GRID2: variants seen among roughly 807,000 people sequenced by gnomAD.
GRID2 encodes glutamate receptor ionotropic, delta-2.
Under a neutral mutation model 114.8 loss-of-function variants are expected in GRID2, and 33 were observed. The ratio of observed to expected loss-of-function variants is 0.29; its 90% CI spans 0.22 to 0.38. The LOEUF (loss-of-function observed/expected upper bound fraction) is 0.38. GRID2 is among the 10% of genes least tolerant of loss of function. The probability of loss-of-function intolerance (pLI) is 1.00; values close to 1 mark genes in which losing one functional copy is unlikely to be tolerated. For synonymous variants in GRID2, 505 were observed against 449.9 expected (o/e 1.12, Z -1.55); for missense variants, 1,184 against 1,257.7 (o/e 0.94, Z 0.89).
intron 13 of GRID2, among the ~76,000 whole-genome samples, chr4:93,528,728 C>T (rs1397878025): frequency 6.6e-6 from 1 of 151,970 alleles, no homozygotes; most frequent in Non-Finnish European, 1.5e-5. Flanking sequence ...TTAACCAGCC[C>T]CCAGCAAAAG....
At position 93,629,105 on chromosome 4, in the gene GRID2, G is replaced by C. The variant is rs112231607; in HGVS notation, c.2360+2670G>C. 2.6e-5 allele frequency among the ~76,000 whole-genome samples: 4 copies of C among 152,234 alleles called. No individual in the cohort carries two copies. The South Asian group carries it at 6.2e-4, about 24-fold the overall frequency. On this transcript the variant is annotated intron_variant, in intron 14 of 15. Transcript: ENST00000282020. ...TTTATGTAAAAAATAATGCATGAAC[G>C]TAATAGTAATTAAAGAAATGTTTAA...
chr4:92,760,385 C>T (rs1003482020), intron 2 of GRID2, among the ~76,000 whole-genome samples: 4 of 152,002 alleles, frequency 2.6e-5, no homozygotes, highest in African/African-American at 9.7e-5. Flanking sequence ...AGAAGGCTCT[C>T]GATCCTTTTG....
intron 2 of GRID2, among the ~76,000 whole-genome samples, chr4:92,916,636 T>G (rs559223844): frequency 2.4e-4 from 37 of 152,298 alleles, no homozygotes; most frequent in South Asian, 8.3e-4. Flanking sequence ...TTGTGATAGT[T>G]TGCTGAGAAT....
At chr4:93,075,577 A>G (rs1428441190) in intron 2 of GRID2, among the ~76,000 whole-genome samples, 1 of 152,180 alleles carries the variant, frequency 6.6e-6, no homozygotes, top group Non-Finnish European at 1.5e-5. Flanking sequence ...AGAAAATCCT[A>G]CAGAAAAGGA....
chr4:92,917,974 T>C lies in GRID2; in HGVS notation c.245-167021T>C, dbSNP rs556194673. Among the ~76,000 whole-genome samples, 212 of 152,334 alleles carry C rather than the reference T, an allele frequency of 1.4e-3. 1 individual carries two copies. The highest frequency in any genetic ancestry group is 4.9e-3 in the African/African-American group (202 of 41,580). ...CCATTTTCACAATATTGATTCTTCCTACCCATGAGCATGGAATGTTCTTCC... is the reference window on the plus strand; with the variant it reads ...CCATTTTCACAATATTGATTCTTCCCACCCATGAGCATGGAATGTTCTTCC... On this transcript the variant is annotated intron_variant, in intron 2 of 15. Coordinates refer to ENST00000282020, the MANE Select transcript of GRID2 (RefSeq NM_001510.4).
chr4:93,595,225 A>G (rs1232947479), intron 13 of GRID2, among the ~76,000 whole-genome samples: 4 of 152,228 alleles, frequency 2.6e-5, no homozygotes, highest in African/African-American at 4.8e-5. Flanking sequence ...ATTGTTCATG[A>G]AATTCCTTAG....
chr4:92,856,387 G>A (rs1162955847), intron 2 of GRID2, among the ~76,000 whole-genome samples: 1 of 151,890 alleles, frequency 6.6e-6, no homozygotes, highest in African/African-American at 2.4e-5. Context: ...TTCTTAACAA[G>A]CAATATGCCT....
chr4:92,920,338 C>G (rs954109247), intron 2 of GRID2, among the ~76,000 whole-genome samples: 6 of 152,114 alleles, frequency 3.9e-5, no homozygotes, highest in Non-Finnish European at 1.5e-5. Context: ...GAGCATTTAT[C>G]CCATTTACAT....
At chr4:93,538,537 C>T (rs1732335230) in intron 13 of GRID2, among the ~76,000 whole-genome samples, 1 of 151,586 alleles carries the variant, frequency 6.6e-6, no homozygotes, top group South Asian at 2.1e-4. Flanking sequence ...TGATTGGTTT[C>T]CAAAGAAAAG....
At chr4:93,145,935 A>G (rs191222613) in intron 4 of GRID2, among the ~76,000 whole-genome samples, 34 of 151,958 alleles carry the variant, frequency 2.2e-4, no homozygotes, top group Admixed American at 3.9e-4. Flanking sequence ...ATGTAATTAT[A>G]TTCTCTCTAG....
intron 14 of GRID2, among the ~76,000 whole-genome samples, chr4:93,644,859 C>T (rs1194889801): frequency 6.6e-6 from 1 of 151,868 alleles, no homozygotes. Flanking sequence ...TAATCAGAAG[C>T]ATGCTTTTTG....
At chr4:93,563,409 G>A (rs1045747779) in intron 13 of GRID2, among the ~76,000 whole-genome samples, 1 of 151,862 alleles carries the variant, frequency 6.6e-6, no homozygotes, top group African/African-American at 2.4e-5. Context: ...TTTTGGTCAT[G>A]AGTTGTGACT....
intron 13 of GRID2, among the ~76,000 whole-genome samples, chr4:93,616,584 A>T (rs1200651238): frequency 9.4e-6 from 1 of 106,004 alleles, no homozygotes; most frequent in Admixed American, 1.0e-4. Flanking sequence ...TTTTATAAAT[A>T]TTTATAAAAT....
At chr4:93,233,051 G>A (rs1746326310) in intron 7 of GRID2, among the ~76,000 whole-genome samples, 2 of 152,236 alleles carry the variant, frequency 1.3e-5, no homozygotes, top group South Asian at 4.1e-4. Flanking sequence ...GAAACGTTTA[G>A]GCTAAGTATG....
chr4:93,672,270 A>C lies in GRID2; in HGVS notation c.2360+45835A>C, dbSNP rs374163165. 2.4e-3 allele frequency among the ~76,000 whole-genome samples: 362 copies of C among 152,278 alleles called. 2 individuals are homozygous for C. Among genetic ancestry groups the C allele is most frequent in the African/African-American group, 7.6e-3 (315 of 41,566 alleles). On this transcript the variant is annotated intron_variant, in intron 14 of 15. Coordinates refer to ENST00000282020, the MANE Select transcript of GRID2 (RefSeq NM_001510.4). The stretch of plus-strand genomic sequence containing the variant: ...TCACTTGTCCCCATTACATTCTCCA[A>C]GGGGGAACCCCCCCACCACAGATGT...
intron 2 of GRID2, among the ~76,000 whole-genome samples, chr4:92,817,632 T>G (rs1287464104): frequency 1.3e-5 from 2 of 152,162 alleles, no homozygotes. Flanking sequence ...TATAATAATG[T>G]TTAATTGATT....
chr4:92,774,022 G>A (rs2149354031), intron 2 of GRID2, among the ~76,000 whole-genome samples: 1 of 152,166 alleles, frequency 6.6e-6, no homozygotes, highest in South Asian at 2.1e-4. Context: ...CAAGTGATGG[G>A]GAGATATAAT....
intron 2 of GRID2, among the ~76,000 whole-genome samples, chr4:92,807,270 T>A (rs1740465147): frequency 6.6e-6 from 1 of 152,034 alleles, no homozygotes; most frequent in South Asian, 2.1e-4. Flanking sequence ...CTGGAATATC[T>A]ATATATTGTG....
At chr4:93,591,986 G>T (rs1738388460) in intron 13 of GRID2, among the ~76,000 whole-genome samples, 1 of 151,848 alleles carries the variant, frequency 6.6e-6, no homozygotes, top group African/African-American at 2.4e-5. Flanking sequence ...TATCAATTTT[G>T]TTGATCCTTT....
Sources: allele counts gnomAD v4.1 joint callset (sites outside exome capture counted in the v4.1 genomes callset), GRCh38; gene constraint gnomAD v4.1.1; transcripts MANE v1.5; gene names NCBI Gene and HGNC (gene_info 2026-07-23, HGNC 2026-07-21).